PDIA6: variants seen among roughly 807,000 people sequenced by gnomAD.
The protein encoded by PDIA6 is protein disulfide isomerase family A member 6, also known as protein disulfide-isomerase A6.
In PDIA6, 29 loss-of-function variants were observed where a neutral mutation model predicts 58.4. The ratio of observed to expected loss-of-function variants is 0.50; its 90% CI spans 0.37 to 0.68. The LOEUF is 0.68. Ranked by LOEUF, PDIA6 falls within the 30% of genes least tolerant of loss-of-function variation. PDIA6 has a pLI of 0.00. For missense variants in PDIA6, 480 were observed against 551.0 expected (o/e 0.87, Z 1.29); for synonymous variants, 192 against 202.6 (o/e 0.95, Z 0.44).
intron 11 of PDIA6, among the ~76,000 whole-genome samples, chr2:10,785,298 C>T (rs1665666071): frequency 6.6e-6 from 1 of 152,180 alleles, no homozygotes; most frequent in African/African-American, 2.4e-5. Context: ...AATAGCAGAG[C>T]ATTTGCTGAA....
At chr2:10,822,505 A>AC (rs1180626663) in intron 1 of PDIA6, among the ~76,000 whole-genome samples, 1 of 151,470 alleles carries the variant, frequency 6.6e-6, no homozygotes, top group Non-Finnish European at 1.5e-5. Flanking sequence ...CTCGTGATCC[A>AC]CCCGCCTCAG....
At chr2:10,792,852 T>C (rs995171862) in intron 5 of PDIA6, among the ~76,000 whole-genome samples, 5 of 152,200 alleles carry the variant, frequency 3.3e-5, no homozygotes, top group African/African-American at 4.8e-5. Context: ...GGCCTGGTAC[T>C]TGGACTGCAG....
intron 7 of PDIA6, 100 bp downstream of exon 7, chr2:10,790,619 A>C (rs759463040): frequency 1.2e-6 from 1 of 809,860 alleles, no homozygotes; most frequent in Middle Eastern, 2.3e-4. Flanking sequence ...AAATGGTTTA[A>C]ACATCTCCTT....
chr2:10,802,165 T>A (rs1572674835), intron 2 of PDIA6, among the ~76,000 whole-genome samples: 1 of 152,354 alleles, frequency 6.6e-6, no homozygotes, highest in East Asian at 1.9e-4. Flanking sequence ...GAAAAGAATT[T>A]TTAAATTAAA....
Position 10,799,396 on chromosome 2 carries a change from C to T in PDIA6, c.162-1639G>A, listed in dbSNP as rs115671380. 7.3e-3 allele frequency among the ~76,000 whole-genome samples: 1,105 copies of T among 152,300 alleles called. 6 individuals are homozygous for T. The highest frequency in any genetic ancestry group is 0.012 in the Non-Finnish European group (807 of 68,032). On this transcript the variant is annotated intron_variant, in intron 2 of 12. Transcript: ENST00000272227. The stretch of plus-strand genomic sequence containing the variant: ...CATTTAATCAGCATGAAGCTGAGGG[C>T]AGGTCCTCTTGTTATTTCATTTTAC...
At chr2:10,819,191 G>C (rs1003407625) in intron 2 of PDIA6, 12 of 773,974 alleles carry the variant, frequency 1.6e-5, no homozygotes, top group Non-Finnish European at 2.4e-5. Flanking sequence ...CCATCCGTCT[G>C]TTAGTGGACA....
chr2:10,816,547 G>A (rs1024026407), upstream of PDIA6, among the ~76,000 whole-genome samples: 1 of 116,028 alleles, frequency 8.6e-6, no homozygotes, highest in Non-Finnish European at 1.7e-5. Flanking sequence ...TTTTGGCATT[G>A]ACACTTTGGA....
chr2:10,812,718 A>C lies in PDIA6; in HGVS notation c.-22T>G. The stretch of plus-strand genomic sequence containing the variant: ...CCATGCCGAGCGCCGGGCTACGTGC[A>C]GTCCCCACCGCCGCCGCCGCTTCAG... On this transcript the variant is annotated 5_prime_UTR_variant, in exon 1 of 13. Coordinates refer to ENST00000272227, the MANE Select transcript of PDIA6 (RefSeq NM_005742.4). The C allele has an allele frequency of 2.7e-6, 4 of 1,508,676 alleles. No individual in the cohort carries two copies. Among genetic ancestry groups the C allele is most frequent in the Non-Finnish European group, 3.5e-6 (4 of 1,131,362 alleles). The allele number at this position is 1,508,676 out of a possible 1,614,324, so 93.5% of individuals were successfully genotyped here.
intron 7 of PDIA6, 79 bp downstream of exon 7, chr2:10,790,640 T>C (rs775603143): frequency 2.2e-4 from 221 of 992,310 alleles, no homozygotes; most frequent in Non-Finnish European, 3.1e-4. Context: ...TACTACCTCA[T>C]AGGGAGGCCT....
At chr2:10,806,310 G>T (rs1360408341) in intron 1 of PDIA6, among the ~76,000 whole-genome samples, 1 of 150,814 alleles carries the variant, frequency 6.6e-6, no homozygotes, top group East Asian at 2.0e-4. Context: ...CGAGGCTACG[G>T]GTGCAGTGGG....
At chr2:10,819,668 G>C (rs1345732253) in intron 1 of PDIA6, among the ~76,000 whole-genome samples, 3 of 152,168 alleles carry the variant, frequency 2.0e-5, no homozygotes, top group African/African-American at 7.2e-5. Flanking sequence ...TTGCACATTT[G>C]TCTTAACTTC....
At chr2:10,819,827 T>C (rs1028163238) in intron 1 of PDIA6, among the ~76,000 whole-genome samples, 7 of 152,254 alleles carry the variant, frequency 4.6e-5, no homozygotes, top group African/African-American at 1.2e-4. Flanking sequence ...CAACACCCTA[T>C]GGTAATCCTG....
rs750403736 is a variant in PDIA6 at position 10,812,662 on chromosome 2, G to A, written c.19+16C>T. ...GACCCCAGCTCGCCCGCCTCCCTCC[G>A]CTGGCCCGCACCTACCGAGCACCAG... On this transcript the variant is annotated intron_variant, in intron 1 of 12. Coordinates refer to ENST00000272227, the MANE Select transcript of PDIA6 (RefSeq NM_005742.4). 1.3e-6 allele frequency: 2 copies of A among 1,529,342 alleles called. No individual in the cohort carries two copies. The highest frequency in any genetic ancestry group is 1.8e-6 in the Non-Finnish European group (2 of 1,139,412). The allele number at this position is 1,529,342 out of a possible 1,614,324, so 94.7% of individuals were successfully genotyped here. A position where few individuals can be genotyped will look rare whatever the true frequency, so the allele number is the denominator to read the frequency against.
rs142782761 is a variant in PDIA6, at chr2:10,806,628, C to CAAGAAAGAAAGAAAGAAA, written c.20-3989_20-3988insTTTCTTTCTTTCTTTCTT. Reference sequence around the variant, plus strand: ...AACCACATCTCCTAAAAAATAAAGACAGAAAGAAAGAAAGAAAGAAAAACG... The same window carrying CAAGAAAGAAAGAAAGAAA: ...AACCACATCTCCTAAAAAATAAAGACAAGAAAGAAAGAAAGAAAAGAAAGAAAGAAAGAAAGAAAAACG... On this transcript the variant is annotated intron_variant, in intron 1 of 12. Coordinates refer to ENST00000272227, the MANE Select transcript of PDIA6 (RefSeq NM_005742.4). Among the ~76,000 whole-genome samples, 66 of 70,372 alleles carry CAAGAAAGAAAGAAAGAAA rather than the reference C, an allele frequency of 9.4e-4. 2 individuals are homozygous for CAAGAAAGAAAGAAAGAAA. Among genetic ancestry groups the CAAGAAAGAAAGAAAGAAA allele is most frequent in the Non-Finnish European group, 1.5e-3 (38 of 25,440 alleles). 46.2% of individuals were successfully genotyped at this position (70,372 alleles called of 152,430 possible). A position where few individuals can be genotyped will look rare whatever the true frequency, so the allele number is the denominator to read the frequency against.
chr2:10,816,526 C>CTTTTTTTTTTTTT (rs201746817), upstream of PDIA6, among the ~76,000 whole-genome samples: 1 of 135,130 alleles, frequency 7.4e-6, no homozygotes, highest in African/African-American at 2.8e-5. Flanking sequence ...TTTGTGCTTT[C>CTTTTTTTTTTTTT]TTTTTTTTTT....
intron 2 of PDIA6, among the ~76,000 whole-genome samples, chr2:10,798,572 CCA>C (rs1491247470): frequency 1.6e-4 from 16 of 97,184 alleles, no homozygotes; most frequent in Middle Eastern, 5.2e-3. Context: ...TGTCCCCCAC[CCA>C]AAAAAAAAAA....
chr2:10,818,477 A>ATT (rs201125427), intron 2 of PDIA6, among the ~76,000 whole-genome samples: 1 of 103,510 alleles, frequency 9.7e-6, no homozygotes, highest in South Asian at 3.5e-4. Context: ...CACTTTAACC[A>ATT]TTTAATTTAT....
intron 11 of PDIA6, among the ~76,000 whole-genome samples, chr2:10,785,406 T>C (rs1402970868): frequency 2.0e-5 from 3 of 152,200 alleles, no homozygotes; most frequent in Admixed American, 1.3e-4. Flanking sequence ...AGAGGGAGCA[T>C]ATCAGAAGTG....
intron 1 of PDIA6, among the ~76,000 whole-genome samples, chr2:10,830,098 G>A (rs889304611): frequency 6.6e-6 from 1 of 152,132 alleles, no homozygotes; most frequent in African/African-American, 2.4e-5. Flanking sequence ...CCTCACCCCA[G>A]GCCCTGGGAG....
Sources: gnomAD v4.1 joint callset for allele counts (sites outside exome capture counted in the v4.1 genomes callset) on GRCh38, gnomAD v4.1.1 for gene constraint, MANE v1.5 for transcripts, NCBI Gene and HGNC (gene_info 2026-07-23, HGNC 2026-07-21) for gene names.